ZNF662: variants seen among roughly 807,000 people sequenced by gnomAD.
The protein encoded by ZNF662 is zinc finger protein 662.
A neutral mutation model predicts 12.4 loss-of-function variants in ZNF662; 14 were observed. The ratio of observed to expected loss-of-function variants is 1.13; its 90% CI spans 0.75 to 1.77. The LOEUF (loss-of-function observed/expected upper bound fraction) is 1.77. ZNF662 is among the 40% of genes most tolerant of loss of function. The pLI, the probability that ZNF662 is intolerant of heterozygous loss-of-function variation, is 0.00. For synonymous variants in ZNF662, 184 were observed against 176.4 expected (o/e 1.04, Z -0.34); for missense variants, 550 against 515.6 (o/e 1.07, Z -0.65).
rs1456540551 is a variant in ZNF662 at position 42,906,382 on chromosome 3, C to T, written c.-94+214C>T. On this transcript the variant is annotated intron_variant, in intron 1 of 4. Transcript: ENST00000440367. This position sits in a 1 kb window ranked among gnomAD's most constrained non-coding sequence, Gnocchi z 4.4. ...GGCCGTGGCGCTGGCGAGCGGGACA[C>T]GCCTCGGCCTTGTCCTCGAGCTGCT... The T allele has an allele frequency of 1.3e-6, 2 of 1,523,770 alleles. No individual in the cohort carries two copies. Among genetic ancestry groups the T allele is most frequent in the Non-Finnish European group, 8.8e-7 (1 of 1,140,598 alleles). The allele number at this position is 1,523,770 out of a possible 1,614,324, so 94.4% of individuals were successfully genotyped here.
intron 3 of ZNF662, 129 bp downstream of exon 3, chr3:42,909,038 C>T (rs971586377): frequency 5.2e-6 from 3 of 577,788 alleles, no homozygotes; most frequent in Middle Eastern, 7.7e-4. Context: ...CTCTGTGTTC[C>T]CATAGTTTTA....
rs2088680415 is a variant in ZNF662 at position 42,906,459 on chromosome 3, G to T, written c.-94+291G>T. ...CGCGCCGGGTGAGTGCGGGGCCGGA[G>T]CCTGGAAGCAGTCTTGGCCCTGCCC... On this transcript the variant is annotated intron_variant, in intron 1 of 4. Coordinates refer to ENST00000440367, the MANE Select transcript of ZNF662 (RefSeq NM_207404.4). The surrounding 1 kb of genome is among the most constrained non-coding windows in gnomAD (Gnocchi z 4.4). 1.4e-5 allele frequency: 20 copies of T among 1,425,522 alleles called. No homozygotes were observed. The highest frequency in any genetic ancestry group is 1.8e-5 in the Non-Finnish European group (20 of 1,095,716). 88.3% of individuals were successfully genotyped at this position (1,425,522 alleles called of 1,614,324 possible).
At chr3:42,911,328 C>T (rs1365296104) in intron 3 of ZNF662, among the ~76,000 whole-genome samples, 3 of 151,992 alleles carry the variant, frequency 2.0e-5, no homozygotes, top group African/African-American at 7.3e-5. Context: ...TACCCAACTC[C>T]CCACTCCAGC....
At position 42,906,547 on chromosome 3, in the gene ZNF662, G is replaced by A; in HGVS notation, c.-94+379G>A. On this transcript the variant is annotated intron_variant, in intron 1 of 4. Transcript: ENST00000440367. This position sits in a 1 kb window ranked among gnomAD's most constrained non-coding sequence, Gnocchi z 4.4. ...GGGAAATGGGGGTACAACCCAGAGTGAGGGGCCTCGAGGGACAGGCAGCAC... is the reference window on the plus strand; with the variant it reads ...GGGAAATGGGGGTACAACCCAGAGTAAGGGGCCTCGAGGGACAGGCAGCAC... The A allele has an allele frequency of 1.1e-6, 1 of 942,104 alleles. No homozygotes were observed. Among genetic ancestry groups the A allele is most frequent in the Non-Finnish European group, 1.5e-6 (1 of 674,294 alleles). The allele number at this position is 942,104 out of a possible 1,614,324, so 58.4% of individuals were successfully genotyped here. A position where few individuals can be genotyped will look rare whatever the true frequency, so the allele number is the denominator to read the frequency against.
chr3:42,912,532 C>CATATATTTATATATTTAATATAA, intron 3 of ZNF662, among the ~76,000 whole-genome samples: 1 of 82,108 alleles, frequency 1.2e-5, no homozygotes, highest in East Asian at 4.1e-4. Context: ...TATATAAATA[C>CATATATTTATATATTTAATATAA]ATATATTTAT....
chr3:42,918,252 A>G lies in ZNF662; in HGVS notation c.*2898A>G, dbSNP rs1410190533. Among the ~76,000 whole-genome samples, 4 of 152,112 alleles carry G rather than the reference A, an allele frequency of 2.6e-5. No individual in the cohort carries two copies. The highest frequency in any genetic ancestry group is 4.4e-5 in the Non-Finnish European group (3 of 68,024). On this transcript the variant is annotated 3_prime_UTR_variant, in exon 5 of 5. Transcript: ENST00000440367. ...AAATCTGGGTTCTTGTCTCATGACC[A>G]GGAAAAATTAGTCACAGGGACACAT...
chr3:42,910,548 C>A (rs755915132), intron 3 of ZNF662, among the ~76,000 whole-genome samples: 2 of 152,098 alleles, frequency 1.3e-5, no homozygotes, highest in Non-Finnish European at 2.9e-5. Flanking sequence ...TACTTCCTGG[C>A]CTGTTTACAG....
chr3:42,915,339 CCTT>C lies in ZNF662; in HGVS notation c.1270_1272del (p.Leu424del), dbSNP rs532197560. ...AACCCTATAACTGTCAGATCTCTCA[CCTT>C]CTTGAACATTAGAGAGTGCATAATG... On this transcript the variant is annotated inframe_deletion, in exon 5 of 5. Transcript: ENST00000440367. 10,948 of 1,572,962 alleles carry C rather than the reference CCTT, an allele frequency of 7.0e-3. 51 individuals are homozygous for C. The highest frequency in any genetic ancestry group is 8.5e-3 in the Non-Finnish European group (9,851 of 1,162,870).
intron 2 of ZNF662, 182 bp downstream of exon 2, chr3:42,908,330 T>A: frequency 7.2e-7 from 1 of 1,388,140 alleles, no homozygotes; most frequent in East Asian, 2.6e-5. Context: ...AGTTTGGGCC[T>A]TATACAGGAC....
intron 4 of ZNF662, among the ~76,000 whole-genome samples, chr3:42,913,859 A>G (rs1031166428): frequency 6.6e-6 from 1 of 152,070 alleles, no homozygotes; most frequent in Non-Finnish European, 1.5e-5. Flanking sequence ...AGAGAAGACT[A>G]TACTTCCTTT....
At chr3:42,913,958 C>G (rs2088863732) in intron 4 of ZNF662, among the ~76,000 whole-genome samples, 1 of 151,910 alleles carries the variant, frequency 6.6e-6, no homozygotes, top group Non-Finnish European at 1.5e-5. Flanking sequence ...CTAAGGATTC[C>G]TTATTTCTGA....
At position 42,908,923 on chromosome 3, in the gene ZNF662, C is replaced by G. The variant is rs542993755; in HGVS notation, c.151+14C>G. The G allele has an allele frequency of 6.4e-7, 1 of 1,571,448 alleles. No homozygotes were observed. On this transcript the variant is annotated intron_variant, in intron 3 of 4. Transcript: ENST00000440367. ...GCATCTCCTCAGGTGAGTGAGGGCA[C>G]ACGTGCCGGTCATCTGACCAGTTTT...
At position 42,914,964 on chromosome 3, in the gene ZNF662, C is replaced by G; in HGVS notation, c.891C>G (p.Ile297Met). ...QNTSLTQHQRIHTGEKPYTCK... is the reference protein window; with the variant it reads ...QNTSLTQHQRMHTGEKPYTCK... ...CAAGCCTTACGCAACATCAACGGAT[C>G]CACACTGGTGAGAAACCATACACAT... is the stretch of plus-strand genomic sequence containing the variant. The change falls in exon 5 of 5, where the codon ATC (isoleucine) becomes ATG (methionine). Residue 297 changes from isoleucine (I) to methionine (M), a missense_variant. Physicochemically the swap from Ile to Met is conservative, Grantham distance 10. Coordinates refer to ENST00000440367, the MANE Select transcript of ZNF662 (RefSeq NM_207404.4). The G allele has an allele frequency of 3.1e-6, 5 of 1,614,088 alleles. No individual in the cohort carries two copies. The highest frequency in any genetic ancestry group is 4.2e-6 in the Non-Finnish European group (5 of 1,180,012).
At position 42,917,606 on chromosome 3, in the gene ZNF662, T is replaced by C. The variant is rs2088908004; in HGVS notation, c.*2252T>C. The C allele has an allele frequency of 1.4e-6, 1 of 691,602 alleles. No individual in the cohort carries two copies. The highest frequency in any genetic ancestry group is 2.6e-6 in the Non-Finnish European group (1 of 382,132). 42.8% of individuals were successfully genotyped at this position (691,602 alleles called of 1,614,324 possible). On this transcript the variant is annotated 3_prime_UTR_variant, in exon 5 of 5. Coordinates refer to ENST00000440367, the MANE Select transcript of ZNF662 (RefSeq NM_207404.4). ...CTGAAGCAGAGCTACCTCAGAACTT[T>C]TCAGCTATGTGAGCCAATAAACATC...
Position 42,918,687 on chromosome 3 carries a change from G to C in ZNF662, c.*3333G>C, listed in dbSNP as rs1002175424. Among the ~76,000 whole-genome samples, 2 of 152,182 alleles carry C rather than the reference G, an allele frequency of 1.3e-5. No homozygotes were observed. The highest frequency in any genetic ancestry group is 2.9e-5 in the Non-Finnish European group (2 of 68,032). On this transcript the variant is annotated 3_prime_UTR_variant, in exon 5 of 5. Transcript: ENST00000440367. ...TGATCGATCTTAACTGGTTCCTGCT[G>C]ATGGGGGCACTGTTTTGGGAAAATA...
At chr3:42,909,883 A>G (rs538687062) in intron 3 of ZNF662, among the ~76,000 whole-genome samples, 1 of 149,718 alleles carries the variant, frequency 6.7e-6, no homozygotes, top group Admixed American at 6.6e-5. Context: ...CCGGCGGGGC[A>G]GAGGCGCTCC....
chr3:42,917,147 A>G lies in ZNF662; in HGVS notation c.*1793A>G. 1 of 265,382 alleles carries G rather than the reference A, an allele frequency of 3.8e-6. No individual in the cohort carries two copies. Among genetic ancestry groups the G allele is most frequent in the Non-Finnish European group, 7.0e-6 (1 of 143,422 alleles). 16.4% of individuals were successfully genotyped at this position (265,382 alleles called of 1,614,324 possible). On this transcript the variant is annotated 3_prime_UTR_variant, in exon 5 of 5. Coordinates refer to ENST00000440367, the MANE Select transcript of ZNF662 (RefSeq NM_207404.4). ...TGGTCATCTTTTATTGGTTTCCATC[A>G]TCTCTTCCCCTTCTCTCTGGGAACA... is the stretch of plus-strand genomic sequence containing the variant.
rs938470248 is a variant in ZNF662 at position 42,918,368 on chromosome 3, A to G, written c.*3014A>G. On this transcript the variant is annotated 3_prime_UTR_variant, in exon 5 of 5. Transcript: ENST00000440367. ...GCATGCAGGTTTTCCATCTCACTAA[A>G]CTGAATACCAGGCCACCACACATGA... Among the ~76,000 whole-genome samples the G allele has an allele frequency of 6.6e-6, 1 of 152,068 alleles. No homozygotes were observed. The highest frequency in any genetic ancestry group is 6.6e-5 in the Admixed American group (1 of 15,222).
rs1211274671 is a variant in ZNF662 at position 42,911,188 on chromosome 3, A to T, written c.152-2013A>T. Among the ~76,000 whole-genome samples, 5 of 152,180 alleles carry T rather than the reference A, an allele frequency of 3.3e-5. No individual in the cohort carries two copies. In the East Asian group the frequency reaches 9.6e-4, roughly 29 times the overall value. Reference sequence around the variant, plus strand: ...CTCTAAATCAATCCTGTGGCAAGGTAACTACTGTGCACTGATTGACTTGGT... The same window carrying T: ...CTCTAAATCAATCCTGTGGCAAGGTTACTACTGTGCACTGATTGACTTGGT... On this transcript the variant is annotated intron_variant, in intron 3 of 4. Transcript: ENST00000440367.
Sources: allele counts gnomAD v4.1 joint callset (sites outside exome capture counted in the v4.1 genomes callset), GRCh38; gene constraint gnomAD v4.1.1; non-coding constraint Gnocchi (gnomAD v3.1); transcripts MANE v1.5; gene names NCBI Gene and HGNC (gene_info 2026-07-23, HGNC 2026-07-21).